The following PRDX4 variants were observed in gnomAD, a reference collection of about 807,000 sequenced individuals.
The protein encoded by PRDX4 is peroxiredoxin-4.
PRDX4 carries 12 observed loss-of-function variants against 20.5 expected under a neutral mutation model. The ratio of observed to expected loss-of-function variants is 0.58; its 90% CI spans 0.37 to 0.95. The LOEUF (loss-of-function observed/expected upper bound fraction) is 0.95. Ranked by LOEUF, PRDX4 falls within the 40% of genes least tolerant of loss-of-function variation. The probability of loss-of-function intolerance (pLI) is 0.01; values close to 1 mark genes in which losing one functional copy is unlikely to be tolerated. For synonymous variants in PRDX4, 99 were observed against 87.5 expected (o/e 1.13, Z -0.73); for missense variants, 180 against 207.3 (o/e 0.87, Z 0.81).
chrX:23,683,536 C>A, intron 5 of PRDX4, 135 bp from the exon 6 acceptor site: 1 of 525,459 alleles, frequency 1.9e-6, no homozygotes. Context: ...TAATAGAAGT[C>A]ATGTGCTCGG....
intron 3 of PRDX4, 104 bp downstream of exon 3, chrX:23,675,210 G>T: frequency 1.7e-6 from 2 of 1,175,327 alleles, no homozygotes; most frequent in Non-Finnish European, 2.3e-6. Context: ...TCATTTATCA[G>T]ACAATTCAGG....
intron 2 of PRDX4, 87 bp from the exon 3 acceptor site, chrX:23,674,903 A>G: frequency 9.2e-7 from 1 of 1,092,546 alleles, no homozygotes; most frequent in Non-Finnish European, 1.2e-6. Context: ...TTTTATTATT[A>G]AAGGTATTTG....
chrX:23,683,905 G>A (rs1304554294), intron 6 of PRDX4, among the ~76,000 whole-genome samples, 200 bp downstream of exon 6: 10 of 106,693 alleles, frequency 9.4e-5, no homozygotes, highest in Admixed American at 2.1e-4. Context: ...AAAATTAGCC[G>A]GGCATGGTGG....
At chrX:23,671,797 A>G (rs762451053) in intron 2 of PRDX4, 151 bp downstream of exon 2, 1 of 420,474 alleles carries the variant, frequency 2.4e-6, no homozygotes, top group African/African-American at 2.5e-5. Context: ...TCTACCATAT[A>G]TTTCAGAGTC....
At chrX:23,673,747 C>A (rs1297052076) in intron 2 of PRDX4, among the ~76,000 whole-genome samples, 1 of 77,896 alleles carries the variant, frequency 1.3e-5, no homozygotes, top group African/African-American at 4.9e-5. Context: ...CAGAGTGAGA[C>A]CCTGCCACAA....
intron 6 of PRDX4, among the ~76,000 whole-genome samples, chrX:23,685,345 T>C (rs1318609660): frequency 1.8e-5 from 2 of 112,029 alleles, no homozygotes; most frequent in African/African-American, 6.5e-5. Flanking sequence ...TTTTAAGGCT[T>C]CTTAAGCTGC....
At chrX:23,679,119 A>G in intron 3 of PRDX4, 46 bp from the exon 4 acceptor site, 5 of 1,183,074 alleles carry the variant, frequency 4.2e-6, no homozygotes, top group Non-Finnish European at 5.7e-6. Context: ...GTTTTAATAT[A>G]TGCCGTTTAC....
At chrX:23,673,782 G>T (rs1245763011) in intron 2 of PRDX4, among the ~76,000 whole-genome samples, 2 of 108,762 alleles carry the variant, frequency 1.8e-5, no homozygotes, top group African/African-American at 6.7e-5. Context: ...GAAGGCTGAG[G>T]CTGACCATTC....
At chrX:23,676,023 G>C (rs900438900) in intron 3 of PRDX4, among the ~76,000 whole-genome samples, 1 of 108,872 alleles carries the variant, frequency 9.2e-6, no homozygotes, top group African/African-American at 3.3e-5. Context: ...AGCAACTCAG[G>C]AGGCTGAGGC....
Position 23,682,429 on chromosome X carries a change from A to G in PRDX4, c.633A>G (p.Leu211=). Residue 211 remains leucine (L), a synonymous_variant, in exon 5 of 7, where the codon CTA becomes CTG. Transcript: ENST00000379341. The part of the protein sequence containing the change: ...GLFIIDDKGI[L]RQITLNDLPV... ...TCATTATTGATGACAAAGGAATCCT[A>G]AGACAAATTACTCTGAATGATCTTC... 1 of 1,177,271 alleles carries G rather than the reference A, an allele frequency of 8.5e-7. No homozygotes were observed. Among genetic ancestry groups the G allele is most frequent in the Non-Finnish European group, 1.1e-6 (1 of 873,540 alleles).
chrX:23,675,197 T>C (rs534932684), intron 3 of PRDX4, 91 bp downstream of exon 3: 14 of 1,192,081 alleles, frequency 1.2e-5, no homozygotes, highest in African/African-American at 5.3e-5. Context: ...TATAAGAATA[T>C]AGTCATTTAT....
Position 23,675,354 on chromosome X carries a change from G to C in PRDX4, c.476+248G>C, listed in dbSNP as rs896309716. ...AGGACATTTCAAAATAAGGGGAAAAGTTAAATGCAATAGATGTGATTTCTA... is the reference window on the plus strand; with the variant it reads ...AGGACATTTCAAAATAAGGGGAAAACTTAAATGCAATAGATGTGATTTCTA... On this transcript the variant is annotated intron_variant, in intron 3 of 6. Coordinates refer to ENST00000379341, the MANE Select transcript of PRDX4 (RefSeq NM_006406.2). 1.9e-5 allele frequency: 10 copies of C among 530,238 alleles called. No homozygotes were observed. The African/African-American group carries it at 2.4e-4, about 12-fold the overall frequency. The allele number at this position is 530,238 out of a possible 1,213,427, so 43.7% of individuals were successfully genotyped here. A position where few individuals can be genotyped will look rare whatever the true frequency, so the allele number is the denominator to read the frequency against.
Position 23,682,471 on chromosome X carries a change from G to A in PRDX4, c.675G>A (p.Val225=), listed in dbSNP as rs748972034. 7.6e-6 allele frequency: 9 copies of A among 1,179,674 alleles called. No individual in the cohort carries two copies. In the South Asian group the frequency reaches 1.3e-4, roughly 17 times the overall value. Residue 225 remains valine, a synonymous_variant, in exon 5 of 7, where the codon GTG becomes GTA. Transcript: ENST00000379341. ...TLNDLPVGRS[V]DETLRLVQAF... ...ATGATCTTCCTGTGGGTAGATCAGT[G>A]GATGAGACACTACGTTTGGTTCAAG...
chrX:23,680,093 G>C (rs917720367), intron 4 of PRDX4, among the ~76,000 whole-genome samples: 3 of 112,472 alleles, frequency 2.7e-5, no homozygotes, highest in Non-Finnish European at 5.6e-5. Context: ...TAGCATCATA[G>C]ACTTTTAGAG....
At chrX:23,676,414 TAAG>T (rs1927950720) in intron 3 of PRDX4, among the ~76,000 whole-genome samples, 1 of 111,138 alleles carries the variant, frequency 9.0e-6, no homozygotes, top group Non-Finnish European at 1.9e-5. Context: ...CCCAAATACT[TAAG>T]TAGTTCTAAT....
intron 4 of PRDX4, among the ~76,000 whole-genome samples, chrX:23,679,960 C>T (rs182561255): frequency 9.0e-5 from 10 of 111,308 alleles, no homozygotes; most frequent in Non-Finnish European, 1.5e-4. Context: ...CCAGCCCAGG[C>T]GACAGAGCAA....
rs749615601 is a variant in PRDX4 at position 23,674,033 on chromosome X, C to A, written c.360-957C>A. On this transcript the variant is annotated intron_variant, in intron 2 of 6. Coordinates refer to ENST00000379341, the MANE Select transcript of PRDX4 (RefSeq NM_006406.2). ...TTCGTTGTCAGCCAGTACACAGGCACATATATATACGGTAACATTCCATCT... is the reference window on the plus strand; with the variant it reads ...TTCGTTGTCAGCCAGTACACAGGCAAATATATATACGGTAACATTCCATCT... 2.7e-3 allele frequency among the ~76,000 whole-genome samples: 301 copies of A among 110,911 alleles called. 1 individual carries two copies. Among genetic ancestry groups the A allele is most frequent in the African/African-American group, 8.9e-3 (273 of 30,569 alleles).
chrX:23,682,411 T>C lies in PRDX4; in HGVS notation c.615T>C (p.Ile205=), dbSNP rs773490413. The change falls in exon 5 of 7, where the codon ATT becomes ATC. Residue 205 remains isoleucine, a synonymous_variant. Coordinates refer to ENST00000379341, the MANE Select transcript of PRDX4 (RefSeq NM_006406.2). ...TGTTTTACAGAGGTCTCTTCATTAT[T>C]GATGACAAAGGAATCCTAAGACAAA... ...SGHTLRGLFI[I]DDKGILRQIT... The C allele has an allele frequency of 1.7e-6, 2 of 1,166,190 alleles. No individual in the cohort carries two copies. The highest frequency in any genetic ancestry group is 2.3e-6 in the Non-Finnish European group (2 of 868,475).
At chrX:23,681,207 T>C (rs1331286639) in intron 4 of PRDX4, among the ~76,000 whole-genome samples, 1 of 103,497 alleles carries the variant, frequency 9.7e-6, no homozygotes, top group African/African-American at 3.5e-5. Flanking sequence ...CACTTCAGCC[T>C]GGGCGACAGC....
Sources: gnomAD v4.1 joint callset for allele counts (sites outside exome capture counted in the v4.1 genomes callset) on GRCh38, gnomAD v4.1.1 for gene constraint, MANE v1.5 for transcripts, NCBI Gene and HGNC (gene_info 2026-07-23, HGNC 2026-07-21) for gene names.